CFAP184: variants seen among roughly 807,000 people sequenced by gnomAD.
CFAP184 encodes the protein cilia- and flagella-associated protein 184.
At chr4:7,042,852 C>G in the CFAP184 span, 1 of 1,577,538 alleles carries the variant, frequency 6.3e-7, no homozygotes, top group South Asian at 1.1e-5. Context: ...CAGAGCTGGC[C>G]TTGATCTTGG....
chr4:7,041,485 C>CG, the CFAP184 span: 17 of 1,614,110 alleles, frequency 1.1e-5, no homozygotes, highest in Middle Eastern at 8.2e-4. Flanking sequence ...CAGCCCCTCT[C>CG]GGGCTTGCTT....
chr4:7,042,184 T>G, the CFAP184 span: 11 of 1,600,560 alleles, frequency 6.9e-6, no homozygotes, highest in Non-Finnish European at 6.8e-6. Flanking sequence ...CTCGAAGATC[T>G]TGTGCTGCAG....
At chr4:7,040,905 T>G in the CFAP184 span, 1 of 185,568 alleles carries the variant, frequency 5.4e-6, no homozygotes, top group African/African-American at 2.4e-5. Context: ...TTTTTGTACC[T>G]TGCCCATTCG....
the CFAP184 span, chr4:7,042,367 G>C: frequency 6.2e-7 from 1 of 1,610,482 alleles, no homozygotes; most frequent in East Asian, 2.2e-5. Context: ...GCTTTTGGCC[G>C]GGCGTCCTTC....
chr4:7,042,273 C>T, the CFAP184 span: 2 of 1,592,356 alleles, frequency 1.3e-6, no homozygotes, highest in Non-Finnish European at 1.7e-6. Flanking sequence ...TGCGCAGCTG[C>T]TGCTCCTGCA....
chr4:7,042,588 G>C, the CFAP184 span: 5 of 1,542,270 alleles, frequency 3.2e-6, no homozygotes, highest in East Asian at 6.8e-5. Flanking sequence ...CTAGTTCCTC[G>C]GGCCCGGCTC....
chr4:7,040,938 A>G, the CFAP184 span: 3 of 222,854 alleles, frequency 1.3e-5, no homozygotes, highest in Non-Finnish European at 2.6e-5. Flanking sequence ...ACCCTCCTAC[A>G]TATGAAAGAG....
At chr4:7,041,748 CTCCTGGGTCCTCA>C in the CFAP184 span, 1 of 1,613,712 alleles carries the variant, frequency 6.2e-7, no homozygotes, top group African/African-American at 1.3e-5. Flanking sequence ...GGGTCAGGTC[CTCCTGGGTCCTCA>C]TCCTGGTTTC....
the CFAP184 span, chr4:7,042,298 T>C: frequency 6.3e-7 from 1 of 1,592,902 alleles, no homozygotes. Flanking sequence ...CTGGACCTCC[T>C]CGGACCACTC....
the CFAP184 span, chr4:7,042,263 T>C: frequency 6.3e-7 from 1 of 1,593,112 alleles, no homozygotes; most frequent in Non-Finnish European, 8.6e-7. Context: ...AGGAGGTCGC[T>C]GCGCAGCTGC....
the CFAP184 span, chr4:7,042,867 C>T: frequency 6.4e-7 from 1 of 1,570,306 alleles, no homozygotes; most frequent in South Asian, 1.2e-5. Context: ...TCTTGGACGG[C>T]CGCGCGGCCA....
chr4:7,041,940 G>A, the CFAP184 span: 6 of 1,612,794 alleles, frequency 3.7e-6, no homozygotes, highest in Non-Finnish European at 5.1e-6. Context: ...CCTGCTTCTT[G>A]AGTGCCTGGA....
the CFAP184 span, chr4:7,041,218 G>A: frequency 6.6e-7 from 1 of 1,517,414 alleles, no homozygotes; most frequent in South Asian, 1.3e-5. Context: ...AAATAAAGCA[G>A]GACAGCACGT....
At chr4:7,041,721 AAT>A in the CFAP184 span, 1 of 1,614,206 alleles carries the variant, frequency 6.2e-7, no homozygotes, top group South Asian at 1.1e-5. Context: ...GTTCAAAGTC[AAT>A]AAGAAGCAGA....
At chr4:7,042,740 C>T in the CFAP184 span, 3 of 1,523,702 alleles carry the variant, frequency 2.0e-6, no homozygotes, top group Non-Finnish European at 2.6e-6. Context: ...GGGGCCTCGG[C>T]CTGCTCGTCC....
chr4:7,042,937 A>G, the CFAP184 span: 3 of 1,430,738 alleles, frequency 2.1e-6, no homozygotes, highest in Middle Eastern at 1.9e-4. Flanking sequence ...GCTGACGTCC[A>G]TCTCCTCCCG....
At chr4:7,042,984 T>A in the CFAP184 span, 6 of 1,383,004 alleles carry the variant, frequency 4.3e-6, no homozygotes, top group Non-Finnish European at 5.6e-6. Flanking sequence ...AGGACGCTGT[T>A]AGGTTTCCCG....
the CFAP184 span, chr4:7,041,719 T>G: frequency 6.2e-7 from 1 of 1,614,162 alleles, no homozygotes; most frequent in Non-Finnish European, 8.5e-7. Flanking sequence ...CTGTTCAAAG[T>G]CAATAAGAAG....
the CFAP184 span, chr4:7,042,369 G>C: frequency 2.5e-6 from 4 of 1,610,712 alleles, no homozygotes; most frequent in Non-Finnish European, 3.4e-6. Flanking sequence ...TTTTGGCCGG[G>C]CGTCCTTCCC....
Sources: gnomAD v4.1 joint callset for allele counts on GRCh38, gnomAD v4.1.1 for gene constraint, MANE v1.5 for transcripts, NCBI Gene and HGNC (gene_info 2026-07-23, HGNC 2026-07-21) for gene names.